The following CCDC187 variants were observed in gnomAD, a reference collection of about 807,000 sequenced individuals.
The protein encoded by CCDC187 is coiled-coil domain-containing protein 187.
Under a neutral mutation model 38.0 loss-of-function variants are expected in CCDC187, and 32 were observed. The observed-to-expected ratio is 0.84, with a 90% CI of 0.64 to 1.13. CCDC187 has a LOEUF of 1.13. CCDC187 is among the 50% of genes most tolerant of loss of function. The pLI, the probability that CCDC187 is intolerant of heterozygous loss-of-function variation, is 0.00. For synonymous variants in CCDC187, 333 were observed against 347.9 expected (o/e 0.96, Z 0.48); for missense variants, 707 against 786.8 (o/e 0.90, Z 1.21).
At position 136,292,291 on chromosome 9, in the gene CCDC187, C is replaced by T. The variant is rs951222475; in HGVS notation, c.837G>A (p.Ser279=). The change falls in exon 5 of 26, where the codon TCG becomes TCA. Residue 279 remains serine, a synonymous_variant. Coordinates refer to ENST00000638797, the MANE Select transcript of CCDC187 (RefSeq NM_001378188.1). ...AAKDKHKDED[S]ELVGVYAWRK... ...TCCAGGCGTAAACACCAACCAGCTC[C>T]GAATCTTAAACAGAGAAAACATACA... is the stretch of plus-strand genomic sequence containing the variant. The T allele has an allele frequency of 3.6e-4, 142 of 398,724 alleles. No individual in the cohort carries two copies. The highest frequency in any genetic ancestry group is 1.3e-3 in the South Asian group (10 of 7,864). The allele number at this position is 398,724 out of a possible 1,614,324, so 24.7% of individuals were successfully genotyped here.
chr9:136,305,256 G>A (rs1406654442), upstream of CCDC187, among the ~76,000 whole-genome samples: 3 of 152,238 alleles, frequency 2.0e-5, no homozygotes, highest in East Asian at 3.9e-4. Context: ...GCAGGGACAA[G>A]GATGAGCCTC....
Position 136,254,082 on chromosome 9 carries a change from G to T in CCDC187, c.5746C>A (p.Arg1916=). 1 of 985,394 alleles carries T rather than the reference G, an allele frequency of 1.0e-6. No homozygotes were observed. The highest frequency in any genetic ancestry group is 1.2e-6 in the Non-Finnish European group (1 of 829,946). The allele number at this position is 985,394 out of a possible 1,614,324, so 61.0% of individuals were successfully genotyped here. ...GETSGYQEGT[R]DADPSPSTKS... is the part of the protein sequence containing the mutation. ...GTGGATGGGCTCGGGTCAGCATCCC[G>T]GGTTCCCTCCTGGTAGCCAGAAGTC... is the stretch of plus-strand genomic sequence containing the variant. The change falls in exon 26 of 26, where the codon CGG becomes AGG. Residue 1916 remains arginine, a synonymous_variant. Coordinates refer to ENST00000638797, the MANE Select transcript of CCDC187 (RefSeq NM_001378188.1).
At chr9:136,263,995 T>C (rs959541462) in intron 17 of CCDC187, 197 bp from the exon 18 acceptor site, 3 of 191,466 alleles carry the variant, frequency 1.6e-5, no homozygotes, top group Non-Finnish European at 2.9e-5. Flanking sequence ...CTGGGCTTGG[T>C]GGAGGAGGCA....
rs1162249008 is a variant in CCDC187 at position 136,301,582 on chromosome 9, G to A, written c.625+1230C>T. 1.6e-5 allele frequency among the ~76,000 whole-genome samples: 2 copies of A among 125,096 alleles called. 1 individual carries two copies. The highest frequency in any genetic ancestry group is 6.0e-5 in the African/African-American group (2 of 33,490). 82.1% of individuals were successfully genotyped at this position (125,096 alleles called of 152,430 possible). A position where few individuals can be genotyped will look rare whatever the true frequency, so the allele number is the denominator to read the frequency against. On this transcript the variant is annotated intron_variant, in intron 2 of 25. Coordinates refer to ENST00000638797, the MANE Select transcript of CCDC187 (RefSeq NM_001378188.1). ...ATGGTACATTTTATGTTATGCATAC[G>A]TTACTTTTTTTTTTTTTTTTTTGAG...
chr9:136,279,412 C>G (rs994099064), intron 10 of CCDC187, among the ~76,000 whole-genome samples: 2 of 152,200 alleles, frequency 1.3e-5, no homozygotes, highest in Admixed American at 6.5e-5. Flanking sequence ...TTGCCTGTCC[C>G]CCTGGGGCTA....
rs782239299 is a variant in CCDC187, at chr9:136,254,287, A to G, written c.5541T>C (p.Ser1847=). 2.1e-5 allele frequency: 21 copies of G among 979,572 alleles called. No individual in the cohort carries two copies. In the African/African-American group the frequency reaches 3.7e-4, roughly 17 times the overall value. The allele number at this position is 979,572 out of a possible 1,614,324, so 60.7% of individuals were successfully genotyped here. A position where few individuals can be genotyped will look rare whatever the true frequency, so the allele number is the denominator to read the frequency against. ...CCCCCATCAGGCTCTCGCTGGTCCC[A>G]GAAGCTTCCAGCCCCTCCCCAGGCC... The part of the protein sequence containing the change: ...SPWPGEGLEA[S]GTSESLMGVS... Residue 1847 remains serine (S), a synonymous_variant, in exon 26 of 26, where the codon TCT becomes TCC. Transcript: ENST00000638797.
In CCDC187 at chr9:136,256,168, T is replaced by G. The variant is rs972086833; in HGVS notation, c.4616+43A>C. The G allele has an allele frequency of 5.2e-6, 5 of 955,698 alleles. No homozygotes were observed. In the African/African-American group the frequency reaches 8.8e-5, roughly 17 times the overall value. 59.2% of individuals were successfully genotyped at this position (955,698 alleles called of 1,614,324 possible). A position where few individuals can be genotyped will look rare whatever the true frequency, so the allele number is the denominator to read the frequency against. ...GGGGTACCGGCTGAACCCGTCTCCG[T>G]GCCTCACGCTCCACCCCTGCTCCAG... On this transcript the variant is annotated intron_variant, in intron 24 of 25. Transcript: ENST00000638797.
chr9:136,293,658 ACT>A lies in CCDC187; in HGVS notation c.833-1365_833-1364del, dbSNP rs1369040851. 6.3e-4 allele frequency among the ~76,000 whole-genome samples: 94 copies of A among 150,074 alleles called. 2 individuals carry two copies. The South Asian group carries it at 0.012, about 18-fold the overall frequency. On this transcript the variant is annotated intron_variant, in intron 4 of 25. Transcript: ENST00000638797. ...CTCGCATGCTCACACTCATGCTCAC[ACT>A]CTGTCACACGCATGCCCTCGCACGT...
intron 24 of CCDC187, 108 bp from the exon 25 acceptor site, chr9:136,255,841 G>A (rs1180819336): frequency 1.1e-5 from 5 of 460,730 alleles, no homozygotes; most frequent in South Asian, 1.8e-4. Flanking sequence ...GCTCACACTC[G>A]AAAAACATCC....
rs1436645522 is a variant in CCDC187, at chr9:136,300,303, C to T, written c.641G>A (p.Ser214Asn). ...GGCTTCAACTCTGCGCTCAGCTGCA[C>T]TCAAGATGCTGAAACCTGGAACAGG... ...APECSGFSIL[S>N]AAERRVEAKA... Residue 214 changes from serine (S) to asparagine (N), a missense_variant, in exon 3 of 26, where the codon AGT becomes AAT. By Grantham distance (46) the Ser-to-Asn change is conservative. Transcript: ENST00000638797. The T allele has an allele frequency of 2.5e-6, 1 of 398,564 alleles. No homozygotes were observed. Among genetic ancestry groups the T allele is most frequent in the Non-Finnish European group, 4.4e-6 (1 of 226,086 alleles). The allele number at this position is 398,564 out of a possible 1,614,324, so 24.7% of individuals were successfully genotyped here.
At chr9:136,287,108 C>G (rs1831200459) in intron 7 of CCDC187, among the ~76,000 whole-genome samples, 1 of 152,198 alleles carries the variant, frequency 6.6e-6, no homozygotes, top group Non-Finnish European at 1.5e-5. Context: ...GTGGAAACCA[C>G]CCAGTGTCCA....
intron 14 of CCDC187, among the ~76,000 whole-genome samples, chr9:136,270,952 C>T (rs1830829913): frequency 6.6e-6 from 1 of 152,172 alleles, no homozygotes; most frequent in Non-Finnish European, 1.5e-5. Flanking sequence ...AATGTTTATC[C>T]TAATGATTGA....
chr9:136,294,621 C>G (rs1365178362), intron 4 of CCDC187, among the ~76,000 whole-genome samples: 1 of 152,222 alleles, frequency 6.6e-6, no homozygotes, highest in Non-Finnish European at 1.5e-5. Flanking sequence ...CTAGCACCCC[C>G]CAGACACGGC....
intron 19 of CCDC187, 113 bp from the exon 20 acceptor site, chr9:136,260,377 A>ACAGC: frequency 1.2e-6 from 1 of 801,590 alleles, no homozygotes; most frequent in Non-Finnish European, 1.5e-6. Context: ...ACCTCATGTC[A>ACAGC]CATCCAGGGA....
chr9:136,269,763 A>G (rs1350299814), intron 14 of CCDC187, among the ~76,000 whole-genome samples: 1 of 152,250 alleles, frequency 6.6e-6, no homozygotes, highest in Non-Finnish European at 1.5e-5. Context: ...CACAACCAGT[A>G]ATGAGCAGGA....
At chr9:136,293,317 ACACT>A (rs1158376363) in intron 4 of CCDC187, among the ~76,000 whole-genome samples, 4 of 149,032 alleles carry the variant, frequency 2.7e-5, no homozygotes, top group Middle Eastern at 3.6e-3. Context: ...TCACACACTC[ACACT>A]CACATGCTTA....
intron 12 of CCDC187, among the ~76,000 whole-genome samples, chr9:136,275,238 C>T (rs1336751438): frequency 6.6e-6 from 1 of 152,150 alleles, no homozygotes; most frequent in Non-Finnish European, 1.5e-5. Context: ...CCCGCCAGGG[C>T]TGGAGGGTGT....
intron 19 of CCDC187, among the ~76,000 whole-genome samples, chr9:136,261,739 G>A (rs1830680623): frequency 6.6e-6 from 1 of 152,202 alleles, no homozygotes; most frequent in Admixed American, 6.5e-5. Flanking sequence ...AGGCAGACAG[G>A]GGCCTCCAAA....
chr9:136,277,234 C>T (rs1237378853), intron 10 of CCDC187, among the ~76,000 whole-genome samples: 4 of 137,012 alleles, frequency 2.9e-5, no homozygotes, highest in Non-Finnish European at 6.2e-5. Flanking sequence ...TTGGTACAGG[C>T]TGGCTGTGCA....
Sources: gnomAD v4.1 joint callset for allele counts (sites outside exome capture counted in the v4.1 genomes callset) on GRCh38, gnomAD v4.1.1 for gene constraint, MANE v1.5 for transcripts, NCBI Gene and HGNC (gene_info 2026-07-23, HGNC 2026-07-21) for gene names.